Variants in NCOA1 observed in about 807,000 individuals in gnomAD.
NCOA1 encodes Hin-2 protein.
In NCOA1, 35 loss-of-function variants were observed where a neutral mutation model predicts 150.9. That is an observed-to-expected ratio of 0.23 (90% CI 0.18 to 0.31). The LOEUF (loss-of-function observed/expected upper bound fraction) is 0.31, where lower values mean the gene tolerates loss of function less well. NCOA1 is among the 10% of genes least tolerant of loss of function. The pLI is 1.00. For missense variants in NCOA1, 1,491 were observed against 1,749.3 expected, an observed-to-expected ratio of 0.85 and a Z score of 2.63; for synonymous variants, 590 against 630.0, an observed-to-expected ratio of 0.94 and a Z score of 0.95.
At chr2:24,537,372 C>A (rs1665198645) in intron 1 of NCOA1, among the ~76,000 whole-genome samples, 1 of 151,570 alleles carries the variant, frequency 6.6e-6, no homozygotes, top group Non-Finnish European at 1.5e-5. Flanking sequence ...GTAAGTCAGA[C>A]ATGGAAAAAT....
At chr2:24,617,090 A>G (rs1183945058) in intron 3 of NCOA1, among the ~76,000 whole-genome samples, 1 of 152,118 alleles carries the variant, frequency 6.6e-6, no homozygotes, top group Non-Finnish European at 1.5e-5. Flanking sequence ...ACCATCAAAT[A>G]CTTGTTTGCA....
At chr2:24,668,658 G>A (rs972830992) in intron 6 of NCOA1, among the ~76,000 whole-genome samples, 5 of 152,078 alleles carry the variant, frequency 3.3e-5, no homozygotes, top group South Asian at 2.1e-4. Context: ...GAAGGGCATA[G>A]GATCTTAATC....
At chr2:24,646,677 G>A (rs2384038) in intron 4 of NCOA1, among the ~76,000 whole-genome samples, 8,039 of 150,758 alleles carry the variant, frequency 0.053, 295 homozygotes, top group East Asian at 0.2. Context: ...AGGGGATGGA[G>A]ATTCATGGAT....
chr2:24,707,162 G>A lies in NCOA1; in HGVS notation c.1692G>A (p.Met564Ile). ...FSASSPVLRQ[M>I]SSQNSPSRLN... The stretch of plus-strand genomic sequence containing the variant: ...CCAGTTCTCCAGTCCTCAGGCAGAT[G>A]AGCTCACAGAATTCACCTAGCAGAT... Residue 564 changes from methionine (M) to isoleucine (I), a missense_variant, in exon 13 of 23, where the codon ATG (methionine) becomes ATA (isoleucine). Met to Ile is a conservative substitution (Grantham distance 10). Transcript: ENST00000348332. The A allele has an allele frequency of 6.2e-7, 1 of 1,614,168 alleles. No homozygotes were observed. The highest frequency in any genetic ancestry group is 1.3e-5 in the African/African-American group (1 of 75,030).
chr2:24,649,123 T>G (rs901982276), intron 4 of NCOA1, among the ~76,000 whole-genome samples: 3 of 152,144 alleles, frequency 2.0e-5, no homozygotes, highest in Non-Finnish European at 4.4e-5. Flanking sequence ...AGAGACATAG[T>G]CTGTCTGTGT....
intron 1 of NCOA1, among the ~76,000 whole-genome samples, chr2:24,531,110 A>G (rs1664865700): frequency 6.6e-6 from 1 of 152,204 alleles, no homozygotes; most frequent in East Asian, 1.9e-4. Flanking sequence ...AAGGGTGTGG[A>G]GAAAAGGGAA....
intron 4 of NCOA1, among the ~76,000 whole-genome samples, 193 bp downstream of exon 4, chr2:24,644,315 A>C (rs368951344): frequency 3.3e-5 from 5 of 152,278 alleles, no homozygotes; most frequent in South Asian, 2.1e-4. Context: ...TTATGAAGCT[A>C]TTTTAGTGTA....
intron 2 of NCOA1, among the ~76,000 whole-genome samples, chr2:24,565,201 A>C (rs1420322746): frequency 2.0e-5 from 3 of 152,230 alleles, no homozygotes; most frequent in African/African-American, 7.2e-5. Context: ...AAGATATATA[A>C]TGTCAACAGA....
At chr2:24,669,957 G>A (rs1415138059) in intron 6 of NCOA1, among the ~76,000 whole-genome samples, 1 of 152,144 alleles carries the variant, frequency 6.6e-6, no homozygotes, top group Admixed American at 6.5e-5. Flanking sequence ...GGACAACATA[G>A]CAAGACCCTC....
rs61754969 is a variant in NCOA1, at chr2:24,762,738, T to C, written c.4117T>C (p.Ser1373Pro). ...HTGLYCNQLS[S>P]TDLLKTEADG... ...AGGCCTCTACTGCAACCAGCTCTCA[T>C]CCACTGACCTTCTCAAAACAGAAGC... The change falls in exon 22 of 23, where the codon TCC becomes CCC. Residue 1373 changes from serine (S) to proline (P), a missense_variant. Ser to Pro is a moderately conservative substitution (Grantham distance 74). Transcript: ENST00000348332. 1.3e-4 allele frequency: 212 copies of C among 1,614,060 alleles called. No individual in the cohort carries two copies. In the South Asian group the frequency reaches 2.2e-3, roughly 17 times the overall value.
At chr2:24,676,589 A>G (rs570717278) in intron 7 of NCOA1, among the ~76,000 whole-genome samples, 1 of 152,246 alleles carries the variant, frequency 6.6e-6, no homozygotes, top group Non-Finnish European at 1.5e-5. Flanking sequence ...CCTCCAAACA[A>G]CTGCACTAAC....
Position 24,710,874 on chromosome 2 carries a change from G to T in NCOA1, c.2419-57G>T. The T allele has an allele frequency of 1.6e-5, 24 of 1,524,598 alleles. No individual in the cohort carries two copies. The Admixed American group carries it at 1.9e-4, about 12-fold the overall frequency. The allele number at this position is 1,524,598 out of a possible 1,614,324, so 94.4% of individuals were successfully genotyped here. On this transcript the variant is annotated intron_variant, in intron 13 of 22. Transcript: ENST00000348332. ...TTAAAGAAGCAGCATTTTTTTCTACGTTGTTTCAGGTGAAAGTGTAAAATA... is the reference window on the plus strand; with the variant it reads ...TTAAAGAAGCAGCATTTTTTTCTACTTTGTTTCAGGTGAAAGTGTAAAATA...
chr2:24,531,972 A>T (rs980205368), intron 1 of NCOA1, among the ~76,000 whole-genome samples: 4 of 152,208 alleles, frequency 2.6e-5, no homozygotes, highest in Non-Finnish European at 5.9e-5. Flanking sequence ...GTATATACCC[A>T]GTAATGGGAT....
At chr2:24,734,267 C>CA (rs150882989) in intron 17 of NCOA1, among the ~76,000 whole-genome samples, 19 of 150,102 alleles carry the variant, frequency 1.3e-4, no homozygotes, top group Admixed American at 4.7e-4. Context: ...AAAGAACATC[C>CA]AAAAAAAAAT....
intron 4 of NCOA1, among the ~76,000 whole-genome samples, chr2:24,651,411 G>A (rs1356779025): frequency 6.6e-6 from 1 of 152,056 alleles, no homozygotes; most frequent in African/African-American, 2.4e-5. Context: ...CAACATAGGT[G>A]AGCCTGGAGG....
intron 22 of NCOA1, among the ~76,000 whole-genome samples, chr2:24,765,715 C>G (rs1429630495): frequency 6.6e-6 from 1 of 152,110 alleles, no homozygotes; most frequent in Non-Finnish European, 1.5e-5. Flanking sequence ...GCTCTCACAC[C>G]AGTCTTCTCA....
At chr2:24,536,933 C>T (rs966794204) in intron 1 of NCOA1, among the ~76,000 whole-genome samples, 5 of 151,856 alleles carry the variant, frequency 3.3e-5, no homozygotes, top group African/African-American at 1.2e-4. Context: ...TACACAGAGG[C>T]ATACAGAGAG....
chr2:24,558,449 G>C (rs1343562834), intron 1 of NCOA1, among the ~76,000 whole-genome samples: 3 of 152,120 alleles, frequency 2.0e-5, no homozygotes, highest in African/African-American at 4.8e-5. Context: ...AATGGTGGTG[G>C]CAAGAGAAAA....
Position 24,496,859 on chromosome 2 carries a change from T to A in NCOA1, c.-396+5257T>A, listed in dbSNP as rs1320770940. Among the ~76,000 whole-genome samples, 3 of 152,210 alleles carry A rather than the reference T, an allele frequency of 2.0e-5. No individual in the cohort carries two copies. In the East Asian group the frequency reaches 5.8e-4, roughly 29 times the overall value. ...AGAATTCCTGTAAGCTTTTGAGTAA[T>A]GTGTAAGCTAGGAGGAAAGGAGCAT... is the stretch of plus-strand genomic sequence containing the variant. On this transcript the variant is annotated intron_variant, in intron 1 of 22. Coordinates refer to ENST00000348332, the MANE Select transcript of NCOA1 (RefSeq NM_003743.5).
Sources: gnomAD v4.1 joint callset for allele counts (sites outside exome capture counted in the v4.1 genomes callset) on GRCh38, gnomAD v4.1.1 for gene constraint, MANE v1.5 for transcripts, NCBI Gene and HGNC (gene_info 2026-07-23, HGNC 2026-07-21) for gene names.